The following RASAL3 variants were observed in gnomAD, a reference collection of about 807,000 sequenced individuals.
RASAL3 encodes the protein RAS protein activator like-3.
In RASAL3, 74 loss-of-function variants were observed where a neutral mutation model predicts 105.5. The ratio of observed to expected loss-of-function variants is 0.70; its 90% CI spans 0.58 to 0.85. The LOEUF (loss-of-function observed/expected upper bound fraction) is 0.85, where lower values mean the gene tolerates loss of function less well. Among genes scored for constraint, RASAL3 ranks in the 40% least tolerant of loss-of-function variants. The pLI, the probability that RASAL3 is intolerant of heterozygous loss-of-function variation, is 0.00. For synonymous variants in RASAL3, 579 were observed against 591.6 expected, an observed-to-expected ratio of 0.98 and a Z score of 0.31; for missense variants, 1,352 against 1,392.0, an observed-to-expected ratio of 0.97 and a Z score of 0.46.
At chr19:15,461,754 C>G in intron 2 of RASAL3, 147 bp from the exon 3 acceptor site, 1 of 1,225,260 alleles carries the variant, frequency 8.2e-7, no homozygotes, top group Non-Finnish European at 1.1e-6. Flanking sequence ...CTTGGGCAAG[C>G]TTTCATCGCT....
chr19:15,457,365 G>C lies in RASAL3; in HGVS notation c.1358C>G (p.Ala453Gly). 1.4e-6 allele frequency: 2 copies of C among 1,426,832 alleles called. No individual in the cohort carries two copies. The highest frequency in any genetic ancestry group is 2.0e-4 in the Middle Eastern group (1 of 5,094). The allele number at this position is 1,426,832 out of a possible 1,614,324, so 88.4% of individuals were successfully genotyped here. A position where few individuals can be genotyped will look rare whatever the true frequency, so the allele number is the denominator to read the frequency against. Reference sequence around the variant, plus strand: ...CTCCTCCTTGGCCTGCGCAGGCAGCGCGGGCTCCAGGGCCCCGCAGAGGCG... The same window carrying C: ...CTCCTCCTTGGCCTGCGCAGGCAGCCCGGGCTCCAGGGCCCCGCAGAGGCG... ...YARLCGALEPALPAQAKEELA... is the reference protein window; with the variant it reads ...YARLCGALEPGLPAQAKEELA... Residue 453 changes from alanine (A) to glycine (G), a missense_variant, in exon 9 of 18, where the codon GCG (alanine) becomes GGG (glycine). Physicochemically the swap from Ala to Gly is moderately conservative, Grantham distance 60. Transcript: ENST00000343625. The surrounding 1 kb of genome is among the most constrained non-coding windows in gnomAD (Gnocchi z 8.6).
chr19:15,451,725 G>A lies in RASAL3; in HGVS notation c.*70C>T, dbSNP rs1970151732. ...GTAGGCCAAGTAGGGCTAAGGCAAA[G>A]TCAGACACCCCCCCTAAGATGGCTA... On this transcript the variant is annotated 3_prime_UTR_variant, in exon 18 of 18. Coordinates refer to ENST00000343625, the MANE Select transcript of RASAL3 (RefSeq NM_022904.3). 6.6e-7 allele frequency: 1 copy of A among 1,524,714 alleles called. No homozygotes were observed. Among genetic ancestry groups the A allele is most frequent in the African/African-American group, 1.4e-5 (1 of 72,874 alleles). The allele number at this position is 1,524,714 out of a possible 1,614,324, so 94.4% of individuals were successfully genotyped here. A position where few individuals can be genotyped will look rare whatever the true frequency, so the allele number is the denominator to read the frequency against.
intron 5 of RASAL3, 83 bp from the exon 6 acceptor site, chr19:15,460,341 A>G (rs1369455202): frequency 7.3e-7 from 1 of 1,373,246 alleles, no homozygotes; most frequent in Non-Finnish European, 1.0e-6. Flanking sequence ...CAGAGGATCT[A>G]CTGGTCTTGG....
chr19:15,457,340 C>A lies in RASAL3; in HGVS notation c.1383G>T (p.Glu461Asp). ...EPALPAQAKE[E>D]LAAAMVRVLR... The stretch of plus-strand genomic sequence containing the variant: ...GCACGCGCACCATGGCTGCCGCCAG[C>A]TCCTCCTTGGCCTGCGCAGGCAGCG... Residue 461 changes from glutamate (E) to aspartate (D), a missense_variant, in exon 9 of 18, where the codon GAG becomes GAT. Transcript: ENST00000343625. This position sits in a 1 kb window ranked among gnomAD's most constrained non-coding sequence, Gnocchi z 8.6. 1.4e-6 allele frequency: 2 copies of A among 1,387,906 alleles called. No homozygotes were observed. Among genetic ancestry groups the A allele is most frequent in the Admixed American group, 3.8e-5 (1 of 26,476 alleles). The allele number at this position is 1,387,906 out of a possible 1,614,324, so 86.0% of individuals were successfully genotyped here.
intron 2 of RASAL3, among the ~76,000 whole-genome samples, chr19:15,462,768 C>T (rs1406623610): frequency 6.6e-6 from 1 of 152,024 alleles, no homozygotes; most frequent in African/African-American, 2.4e-5. Flanking sequence ...CTGGTTAACA[C>T]AGTGAAACCC....
Position 15,456,526 on chromosome 19 carries a change from G to T in RASAL3, c.1552C>A (p.Gln518Lys), listed in dbSNP as rs751842419. The change falls in exon 10 of 18, where the codon CAG becomes AAG. Residue 518 changes from glutamine to lysine, a missense_variant. Around this residue, in one of 3 missense-constraint regions of RASAL3, gnomAD observed 920 missense variants for 919.6 expected, o/e 1.00. Coordinates refer to ENST00000343625, the MANE Select transcript of RASAL3 (RefSeq NM_022904.3). The surrounding 1 kb of genome is among the most constrained non-coding windows in gnomAD (Gnocchi z 4.4). ...CCCAGGGTCTCCTGGAGGTAATCCT[G>T]TGCCACGAGCTTCATGTACTCATCG... ...AIDEYMKLVA[Q>K]DYLQETLGQV... 10 of 1,613,688 alleles carry T rather than the reference G, an allele frequency of 6.2e-6. No individual in the cohort carries two copies. Among genetic ancestry groups the T allele is most frequent in the Non-Finnish European group, 8.5e-6 (10 of 1,179,818 alleles).
chr19:15,457,853 T>G lies in RASAL3; in HGVS notation c.889-19A>C. 2 of 1,545,022 alleles carry G rather than the reference T, an allele frequency of 1.3e-6. No individual in the cohort carries two copies. The highest frequency in any genetic ancestry group is 2.5e-5 in the East Asian group (1 of 40,652). ...CGTTGTCCTGCAGATGGGAGTGGGA[T>G]GGGGGGAAGCGTTTTGGTTTGTTGG... is the stretch of plus-strand genomic sequence containing the variant. On this transcript the variant is annotated intron_variant, in intron 8 of 17. Transcript: ENST00000343625. The surrounding 1 kb of genome is among the most constrained non-coding windows in gnomAD (Gnocchi z 8.6).
In RASAL3 at chr19:15,457,531, C is replaced by T; in HGVS notation, c.1192G>A (p.Ala398Thr). 8.9e-7 allele frequency: 1 copy of T among 1,129,314 alleles called. No individual in the cohort carries two copies. Among genetic ancestry groups the T allele is most frequent in the Non-Finnish European group, 1.1e-6 (1 of 920,712 alleles). 70.0% of individuals were successfully genotyped at this position (1,129,314 alleles called of 1,614,324 possible). A position where few individuals can be genotyped will look rare whatever the true frequency, so the allele number is the denominator to read the frequency against. ...AGCGGGAACCAGCGCTCCAGACCGG[C>T]GGCAGGCGCGCGTGGGGCGTCCAGC... Reference protein sequence around the residue: ...EELDAPRAPAAGLERWFPLLG... With the variant: ...EELDAPRAPATGLERWFPLLG... Residue 398 changes from alanine to threonine, a missense_variant, in exon 9 of 18, where the codon GCC (alanine) becomes ACC (threonine). By Grantham distance (58) the Ala-to-Thr change is moderately conservative (BLOSUM62 0). Coordinates refer to ENST00000343625, the MANE Select transcript of RASAL3 (RefSeq NM_022904.3). The surrounding 1 kb of genome is among the most constrained non-coding windows in gnomAD (Gnocchi z 8.6).
chr19:15,452,593 C>T, intron 16 of RASAL3, 65 bp downstream of exon 16: 2 of 1,185,192 alleles, frequency 1.7e-6, no homozygotes, highest in Non-Finnish European at 1.1e-6. Flanking sequence ...GGGGGGAGGG[C>T]CTGGTCAGAT....
Position 15,464,092 on chromosome 19 carries a change from G to C in RASAL3, c.267C>G (p.Leu89=). The C allele has an allele frequency of 1.2e-6, 2 of 1,607,756 alleles. No individual in the cohort carries two copies. Among genetic ancestry groups the C allele is most frequent in the Non-Finnish European group, 1.7e-6 (2 of 1,176,224 alleles). Reference sequence around the variant, plus strand: ...GCGGTGGGTTCTTATGCCTCCCCCAGAGGGCCTTGGAGAGTCGAAGGCGAC... The same window carrying C: ...GCGGTGGGTTCTTATGCCTCCCCCACAGGGCCTTGGAGAGTCGAAGGCGAC... ...RTSRLRLSKA[L]WGRHKNPPPE... is the part of the protein sequence containing the mutation. Residue 89 remains leucine, a synonymous_variant, in exon 2 of 18, where the codon CTC becomes CTG. Coordinates refer to ENST00000343625, the MANE Select transcript of RASAL3 (RefSeq NM_022904.3).
chr19:15,458,691 G>A, intron 6 of RASAL3, 36 bp from the exon 7 acceptor site: 1 of 1,602,032 alleles, frequency 6.2e-7, no homozygotes, highest in Non-Finnish European at 8.5e-7. Flanking sequence ...CGTCATTCCT[G>A]CCTCTTCCCC....
intron 16 of RASAL3, 87 bp from the exon 17 acceptor site, chr19:15,452,195 C>G: frequency 7.2e-7 from 1 of 1,389,426 alleles, no homozygotes; most frequent in South Asian, 1.2e-5. Context: ...ACTCCGGGGG[C>G]GGAGCTTGGA....
In RASAL3 at chr19:15,456,961, C is replaced by T. The variant is rs1487190818; in HGVS notation, c.1432-315G>A. The T allele has an allele frequency of 2.1e-6, 1 of 481,586 alleles. No homozygotes were observed. Among genetic ancestry groups the T allele is most frequent in the Admixed American group, 3.5e-5 (1 of 28,826 alleles). The allele number at this position is 481,586 out of a possible 1,614,324, so 29.8% of individuals were successfully genotyped here. On this transcript the variant is annotated intron_variant, in intron 9 of 17. Transcript: ENST00000343625. The surrounding 1 kb of genome is among the most constrained non-coding windows in gnomAD (Gnocchi z 4.4). ...CTTATGGGTGATAATTAGGCCCCGCCCCTCACAGCTGAAGCTCAGGCCCAG... is the reference window on the plus strand; with the variant it reads ...CTTATGGGTGATAATTAGGCCCCGCTCCTCACAGCTGAAGCTCAGGCCCAG...
At position 15,457,899 on chromosome 19, in the gene RASAL3, A is replaced by G; in HGVS notation, c.889-65T>C. 6.6e-7 allele frequency: 1 copy of G among 1,520,788 alleles called. No individual in the cohort carries two copies. The highest frequency in any genetic ancestry group is 8.9e-7 in the Non-Finnish European group (1 of 1,126,548). 94.2% of individuals were successfully genotyped at this position (1,520,788 alleles called of 1,614,324 possible). Reference sequence around the variant, plus strand: ...GTTGGCACCCCAAAGAAGGCACCGCAAGTGAAGCGTGGAGCCTCAAACCTG... The same window carrying G: ...GTTGGCACCCCAAAGAAGGCACCGCGAGTGAAGCGTGGAGCCTCAAACCTG... On this transcript the variant is annotated intron_variant, in intron 8 of 17. Transcript: ENST00000343625. This position sits in a 1 kb window ranked among gnomAD's most constrained non-coding sequence, Gnocchi z 8.6.
intron 5 of RASAL3, among the ~76,000 whole-genome samples, chr19:15,460,648 T>C (rs978943405): frequency 3.9e-5 from 6 of 152,136 alleles, no homozygotes; most frequent in Non-Finnish European, 8.8e-5. Flanking sequence ...TCCCAAAATG[T>C]TGGGATTACA....
rs772600619 is a variant in RASAL3, at chr19:15,461,103, G to GT, written c.562dup (p.Thr188AsnfsTer42). 7.4e-6 allele frequency: 12 copies of GT among 1,613,820 alleles called. No individual in the cohort carries two copies. Among genetic ancestry groups the GT allele is most frequent in the Non-Finnish European group, 1.0e-5 (12 of 1,179,866 alleles). On this transcript the variant is annotated frameshift_variant, in exon 5 of 18. Transcript: ENST00000343625. LOFTEE classifies it high-confidence loss of function. ...GTTGGGACCAGCAGTCTCCGGTTCT[G>GT]TTTTTCCAGGCATCCGATCTGTGGG...
rs759809770 is a variant in RASAL3, at chr19:15,460,233, T to G, written c.632A>C (p.Lys211Thr). Residue 211 changes from lysine (K) to threonine (T), a missense_variant, in exon 6 of 18, where the codon AAG becomes ACG. By Grantham distance (78) the Lys-to-Thr change is moderately conservative. Coordinates refer to ENST00000343625, the MANE Select transcript of RASAL3 (RefSeq NM_022904.3). ...VRGLLKRLKE[K>T]KKARLEPRDG... ...CCGGGGCTCCAACCTGGCCTTTTTC[T>G]TCTCTTTCAGCCTCTTGAGCAACCC... 2 of 1,609,282 alleles carry G rather than the reference T, an allele frequency of 1.2e-6. No homozygotes were observed.
rs768465687 is a variant in RASAL3 at position 15,456,668 on chromosome 19, G to A, written c.1432-22C>T. 3.7e-6 allele frequency: 6 copies of A among 1,607,176 alleles called. No homozygotes were observed. The East Asian group carries it at 1.3e-4, about 36-fold the overall frequency. Reference sequence around the variant, plus strand: ...GCGCCTAGGAAGGGCAGGAGGTCAGGTTGCACCAGATGCAGACAGAGTCCA... The same window carrying A: ...GCGCCTAGGAAGGGCAGGAGGTCAGATTGCACCAGATGCAGACAGAGTCCA... On this transcript the variant is annotated intron_variant, in intron 9 of 17. Transcript: ENST00000343625. This position sits in a 1 kb window ranked among gnomAD's most constrained non-coding sequence, Gnocchi z 4.4.
intron 5 of RASAL3, among the ~76,000 whole-genome samples, chr19:15,460,485 A>G (rs1389071655): frequency 6.6e-6 from 1 of 152,114 alleles, no homozygotes; most frequent in East Asian, 1.9e-4. Context: ...TGGTGCGATC[A>G]TGGCTCACTG....
Sources: allele counts gnomAD v4.1 joint callset (sites outside exome capture counted in the v4.1 genomes callset), GRCh38; gene constraint gnomAD v4.1.1; regional missense constraint gnomAD v4.1.1; non-coding constraint Gnocchi (gnomAD v3.1); transcripts MANE v1.5; gene names NCBI Gene and HGNC (gene_info 2026-07-23, HGNC 2026-07-21).